Variants in PDE1A observed in about 807,000 individuals in gnomAD.
PDE1A encodes the protein phosphodiesterase 1A.
PDE1A carries 35 observed loss-of-function variants against 61.7 expected under a neutral mutation model. The observed-to-expected ratio is 0.57, with a 90% confidence interval of 0.43 to 0.75. The LOEUF (loss-of-function observed/expected upper bound fraction) is 0.75, where lower values mean the gene tolerates loss of function less well. Ranked by LOEUF, PDE1A falls within the 30% of genes least tolerant of loss-of-function variation. The pLI, the probability that PDE1A is intolerant of heterozygous loss-of-function variation, is 0.00. For missense variants in PDE1A, 597 were observed against 630.6 expected (o/e 0.95, Z 0.57); for synonymous variants, 232 against 213.2 (o/e 1.09, Z -0.77).
intron 2 of PDE1A, among the ~76,000 whole-genome samples, chr2:182,437,662 A>G (rs1169798883): frequency 1.3e-5 from 2 of 151,944 alleles, no homozygotes; most frequent in Admixed American, 6.6e-5. Context: ...CTGACAAAAC[A>G]AAGGTTTGAA....
intron 7 of PDE1A, among the ~76,000 whole-genome samples, chr2:182,222,435 C>T (rs1401456153): frequency 6.6e-6 from 1 of 151,778 alleles, no homozygotes; most frequent in Non-Finnish European, 1.5e-5. Flanking sequence ...CTTTTAGGGC[C>T]GTGAAACTAT....
intron 1 of PDE1A, among the ~76,000 whole-genome samples, chr2:182,354,451 G>A (rs1001484202): frequency 6.6e-6 from 1 of 152,140 alleles, no homozygotes; most frequent in Non-Finnish European, 1.5e-5. Context: ...CCTTAAGGTT[G>A]CATTCCAAAT....
chr2:182,606,878 G>T, the PDE1A span, among the ~76,000 whole-genome samples: 1 of 152,120 alleles, frequency 6.6e-6, no homozygotes, highest in Non-Finnish European at 1.5e-5. Flanking sequence ...AAATGCCAGG[G>T]GTTCAGTCCA....
At chr2:182,266,235 C>T (rs1488940165) in intron 1 of PDE1A, among the ~76,000 whole-genome samples, 2 of 151,978 alleles carry the variant, frequency 1.3e-5, no homozygotes, top group Admixed American at 6.6e-5. Flanking sequence ...CAAAGCACAA[C>T]AAAAAGGCAA....
intron 1 of PDE1A, among the ~76,000 whole-genome samples, chr2:182,407,315 A>G (rs1157653689): frequency 1.6e-5 from 2 of 121,996 alleles, no homozygotes; most frequent in African/African-American, 5.8e-5. Context: ...CAAAGTTTAT[A>G]ATTGTTCAGG....
chr2:182,495,675 T>C (rs1453162114), intron 2 of PDE1A, among the ~76,000 whole-genome samples: 1 of 152,184 alleles, frequency 6.6e-6, no homozygotes, highest in Non-Finnish European at 1.5e-5. Flanking sequence ...AAGTAGTCTC[T>C]GAGCTGCTAC....
chr2:182,274,989 A>C (rs1559283834), intron 1 of PDE1A, among the ~76,000 whole-genome samples: 1 of 152,174 alleles, frequency 6.6e-6, no homozygotes, highest in Non-Finnish European at 1.5e-5. Flanking sequence ...AATACTACTA[A>C]ATAAGTTAAG....
chr2:182,167,828 A>C, downstream of PDE1A: 1 of 713,552 alleles, frequency 1.4e-6, no homozygotes, highest in Non-Finnish European at 1.7e-6. Flanking sequence ...TGTAAAAGAT[A>C]ATTTTTTTTT....
chr2:182,179,909 T>A (rs547792177), intron 13 of PDE1A, among the ~76,000 whole-genome samples: 1 of 152,310 alleles, frequency 6.6e-6, no homozygotes, highest in Admixed American at 6.5e-5. Flanking sequence ...ACTAGGGAGA[T>A]GTTTTTGCGA....
At chr2:182,163,112 A>G (rs1455990889), downstream of PDE1A, among the ~76,000 whole-genome samples, 1 of 152,198 alleles carries the variant, frequency 6.6e-6, no homozygotes, top group African/African-American at 2.4e-5. Flanking sequence ...TGGCTTGTAC[A>G]GAAGACAGAT....
chr2:182,141,415 T>C (rs1690223446), exon 15 of PDE1A: 1 of 152,200 alleles, frequency 6.6e-6, no homozygotes, highest in Admixed American at 6.5e-5. Flanking sequence ...CACATTATTA[T>C]AGATCAATCT....
At chr2:182,499,247 G>A (rs1302526009) in intron 2 of PDE1A, among the ~76,000 whole-genome samples, 2 of 146,948 alleles carry the variant, frequency 1.4e-5, no homozygotes, top group Non-Finnish European at 3.0e-5. Flanking sequence ...CGCGATCTCG[G>A]CTCACTGCAA....
chr2:182,608,420 G>A, the PDE1A span, among the ~76,000 whole-genome samples: 87 of 152,330 alleles, frequency 5.7e-4, no homozygotes, highest in African/African-American at 2.1e-3. Context: ...GGCTGGCCAA[G>A]GCCCAAGCCG....
chr2:182,405,810 T>A (rs1248605401), intron 1 of PDE1A, among the ~76,000 whole-genome samples: 1 of 152,142 alleles, frequency 6.6e-6, no homozygotes, highest in African/African-American at 2.4e-5. Flanking sequence ...GTGATGGATA[T>A]CTTAATGAGA....
intron 1 of PDE1A, among the ~76,000 whole-genome samples, chr2:182,332,620 G>A (rs1342783656): frequency 1.3e-5 from 2 of 152,080 alleles, no homozygotes; most frequent in Non-Finnish European, 2.9e-5. Flanking sequence ...AGGTCTGCTG[G>A]AGTTTGCTGG....
At chr2:182,679,064 G>A in the PDE1A span, among the ~76,000 whole-genome samples, 1 of 149,534 alleles carries the variant, frequency 6.7e-6, no homozygotes, top group Non-Finnish European at 1.5e-5. Context: ...GAGTGCAGTG[G>A]TGTGATCTTG....
intron 13 of PDE1A, among the ~76,000 whole-genome samples, chr2:182,174,820 G>A (rs545294413): frequency 1.1e-4 from 17 of 152,060 alleles, no homozygotes; most frequent in African/African-American, 3.6e-4. Context: ...AGGTACACAC[G>A]TGTCGTGGGG....
chr2:182,201,675 A>AT lies in PDE1A; in HGVS notation c.1004+12_1004+13insA. On this transcript the variant is annotated intron_variant, in intron 9 of 13. Coordinates refer to ENST00000351439, the Ensembl canonical transcript of PDE1A. Reference sequence around the variant, plus strand: ...CAAAAAAAAAAAAACAACAAAAAAAACACAAAACCTACCCTTCAGGCTGCT... The same window carrying AT: ...CAAAAAAAAAAAAACAACAAAAAAAATCACAAAACCTACCCTTCAGGCTGCT... 6.4e-7 allele frequency: 1 copy of AT among 1,571,272 alleles called. No homozygotes were observed. Among genetic ancestry groups the AT allele is most frequent in the Non-Finnish European group, 8.6e-7 (1 of 1,163,948 alleles).
chr2:182,317,092 A>C (rs1010251175), intron 1 of PDE1A, among the ~76,000 whole-genome samples: 12 of 152,200 alleles, frequency 7.9e-5, no homozygotes, highest in Non-Finnish European at 1.8e-4. Context: ...AGTGCATCTT[A>C]ATGCACACAC....
Sources: gnomAD v4.1 joint callset for allele counts (sites outside exome capture counted in the v4.1 genomes callset) on GRCh38, gnomAD v4.1.1 for gene constraint, MANE v1.5 for transcripts, NCBI Gene and HGNC (gene_info 2026-07-23, HGNC 2026-07-21) for gene names.